Variants in FBXO24 observed in about 807,000 individuals in gnomAD.
The protein encoded by FBXO24 is F-box protein 24, also known as F-box only protein 24.
A neutral mutation model predicts 63.5 loss-of-function variants in FBXO24; 30 were observed. The observed-to-expected ratio is 0.47, with a 90% confidence interval of 0.35 to 0.64. FBXO24 has a LOEUF of 0.64. FBXO24 is among the 30% of genes least tolerant of loss of function. FBXO24 has a pLI of 0.00. For missense variants in FBXO24, 624 were observed against 763.4 expected (o/e 0.82, Z 2.15); for synonymous variants, 300 against 305.0 (o/e 0.98, Z 0.17).
chr7:100,599,977 G>GC (rs1041358701), intron 8 of FBXO24, 54 bp from the exon 9 acceptor site: 265 of 784,208 alleles, frequency 3.4e-4, no homozygotes, highest in African/African-American at 1.8e-3. Flanking sequence ...TCCCACCCCA[G>GC]CCCCCCCGTC....
intron 8 of FBXO24, 55 bp from the exon 9 acceptor site, chr7:100,599,976 A>G: frequency 2.7e-6 from 2 of 744,312 alleles, no homozygotes; most frequent in African/African-American, 1.8e-5. Flanking sequence ...TTCCCACCCC[A>G]GCCCCCCCGT....
chr7:100,593,830 C>T (rs990742764), intron 5 of FBXO24, among the ~76,000 whole-genome samples: 2 of 151,788 alleles, frequency 1.3e-5, no homozygotes, highest in African/African-American at 2.4e-5. Context: ...ATCAGATGTC[C>T]CCAGCTTCCA....
intron 8 of FBXO24, 55 bp from the exon 9 acceptor site, chr7:100,599,967 TCCCACCCCA>T: frequency 1.3e-6 from 2 of 1,496,764 alleles, no homozygotes; most frequent in Non-Finnish European, 1.8e-6. Context: ...GTCAACCTTT[TCCCACCCCA>T]GCCCCCCCGT....
chr7:100,595,658 C>T lies in FBXO24; in HGVS notation c.1158C>T (p.Tyr386=), dbSNP rs199506981. The change falls in exon 8 of 10, where the codon TAC becomes TAT. Residue 386 remains tyrosine (Y), a synonymous_variant. Transcript: ENST00000241071. The stretch of plus-strand genomic sequence containing the variant: ...TCTTCATGCAAGGAAATAACAGATA[C>T]GGGCAGCTAGGAACAGGGGACAAAA... ...GRIFMQGNNR[Y]GQLGTGDKMD... The T allele has an allele frequency of 1.9e-5, 30 of 1,612,988 alleles. No individual in the cohort carries two copies. The highest frequency in any genetic ancestry group is 1.7e-4 in the Middle Eastern group (1 of 6,050).
Position 100,600,298 on chromosome 7 carries a change from G to A in FBXO24, c.1377+97G>A. The A allele has an allele frequency of 7.2e-7, 1 of 1,398,026 alleles. No homozygotes were observed. The highest frequency in any genetic ancestry group is 9.5e-7 in the Non-Finnish European group (1 of 1,051,346). 86.6% of individuals were successfully genotyped at this position (1,398,026 alleles called of 1,614,324 possible). The stretch of plus-strand genomic sequence containing the variant: ...AGCTGGGGCTCCTGCAGGGACCCAG[G>A]GGGTCCCATTTCCCTAGCACCACCC... On this transcript the variant is annotated intron_variant, in intron 9 of 9. Coordinates refer to ENST00000241071, the MANE Select transcript of FBXO24 (RefSeq NM_033506.3). This position sits in a 1 kb window ranked among gnomAD's most constrained non-coding sequence, Gnocchi z 6.3.
intron 1 of FBXO24, among the ~76,000 whole-genome samples, chr7:100,588,965 G>A (rs1456622597): frequency 1.3e-5 from 2 of 152,016 alleles, no homozygotes. Context: ...TGGGACTACA[G>A]GGGTGCATCA....
chr7:100,590,395 T>C (rs1182113285), intron 3 of FBXO24, 38 bp downstream of exon 3: 2 of 1,572,766 alleles, frequency 1.3e-6, no homozygotes, highest in Admixed American at 1.7e-5. Flanking sequence ...TCCTTGCCTC[T>C]GTCCCGCCTT....
chr7:100,591,314 T>C (rs1267562124), intron 3 of FBXO24, among the ~76,000 whole-genome samples: 1 of 151,982 alleles, frequency 6.6e-6, no homozygotes, highest in African/African-American at 2.4e-5. Flanking sequence ...CACTGAGCTG[T>C]GAGGATGGGA....
rs1801963437 is a variant in FBXO24 at position 100,590,485 on chromosome 7, C to T, written c.322+128C>T. Reference sequence around the variant, plus strand: ...CCAGGGCCCCTTTCTCCGGAAGAAACGGGTCCAGTTCAAACATTCTCCCTT... The same window carrying T: ...CCAGGGCCCCTTTCTCCGGAAGAAATGGGTCCAGTTCAAACATTCTCCCTT... On this transcript the variant is annotated intron_variant, in intron 3 of 9. Transcript: ENST00000241071. 1.2e-5 allele frequency: 11 copies of T among 954,576 alleles called. No homozygotes were observed. The South Asian group carries it at 1.6e-4, about 14-fold the overall frequency. 59.1% of individuals were successfully genotyped at this position (954,576 alleles called of 1,614,324 possible). A position where few individuals can be genotyped will look rare whatever the true frequency, so the allele number is the denominator to read the frequency against.
chr7:100,598,148 G>A (rs1377194674), intron 8 of FBXO24, among the ~76,000 whole-genome samples: 1 of 152,056 alleles, frequency 6.6e-6, no homozygotes, highest in Non-Finnish European at 1.5e-5. Context: ...AGGCTGCAGT[G>A]AGCTGTGATC....
At chr7:100,595,374 C>A (rs1002934016) in intron 7 of FBXO24, 151 bp downstream of exon 7, 2 of 1,434,506 alleles carry the variant, frequency 1.4e-6, no homozygotes, top group Admixed American at 4.4e-5. Context: ...GGGCTCGGTG[C>A]GGAGGGAGGC....
At chr7:100,593,284 C>G (rs1802120514) in intron 5 of FBXO24, among the ~76,000 whole-genome samples, 1 of 152,032 alleles carries the variant, frequency 6.6e-6, no homozygotes, top group Non-Finnish European at 1.5e-5. Context: ...CACCTGAGAT[C>G]TGGAGTTTGA....
In FBXO24 at chr7:100,594,270, G is replaced by A; in HGVS notation, c.794-113G>A. 3 of 1,194,724 alleles carry A rather than the reference G, an allele frequency of 2.5e-6. No individual in the cohort carries two copies. Among genetic ancestry groups the A allele is most frequent in the Admixed American group, 5.2e-5 (2 of 38,652 alleles). 74.0% of individuals were successfully genotyped at this position (1,194,724 alleles called of 1,614,324 possible). On this transcript the variant is annotated intron_variant, in intron 5 of 9. Transcript: ENST00000241071. The surrounding 1 kb of genome is among the most constrained non-coding windows in gnomAD (Gnocchi z 4.2). ...TCACTCTTCCCTTATTTCTTTCTCAGCCCCACTCTAGGGCAGTAAATGTGT... is the reference window on the plus strand; with the variant it reads ...TCACTCTTCCCTTATTTCTTTCTCAACCCCACTCTAGGGCAGTAAATGTGT...
In FBXO24 at chr7:100,600,294, C is replaced by T; in HGVS notation, c.1377+93C>T. ...CTGTAGCTGGGGCTCCTGCAGGGAC[C>T]CAGGGGGTCCCATTTCCCTAGCACC... On this transcript the variant is annotated intron_variant, in intron 9 of 9. Coordinates refer to ENST00000241071, the MANE Select transcript of FBXO24 (RefSeq NM_033506.3). This position sits in a 1 kb window ranked among gnomAD's most constrained non-coding sequence, Gnocchi z 6.3. The T allele has an allele frequency of 7.0e-7, 1 of 1,420,940 alleles. No individual in the cohort carries two copies. Among genetic ancestry groups the T allele is most frequent in the South Asian group, 1.5e-5 (1 of 66,750 alleles). The allele number at this position is 1,420,940 out of a possible 1,614,324, so 88.0% of individuals were successfully genotyped here. A position where few individuals can be genotyped will look rare whatever the true frequency, so the allele number is the denominator to read the frequency against.
intron 3 of FBXO24, among the ~76,000 whole-genome samples, chr7:100,590,704 G>C (rs753518387): frequency 2.0e-5 from 3 of 152,166 alleles, no homozygotes; most frequent in Non-Finnish European, 4.4e-5. Context: ...ATAATTCCTT[G>C]ATGTGGGGAG....
intron 5 of FBXO24, among the ~76,000 whole-genome samples, chr7:100,593,797 CAAAAAAAA>C (rs900435798): frequency 1.8e-5 from 1 of 56,598 alleles, no homozygotes; most frequent in Non-Finnish European, 3.7e-5. Flanking sequence ...ACTCCATCTC[CAAAAAAAA>C]AAAAAAAAAA....
intron 7 of FBXO24, 128 bp from the exon 8 acceptor site, chr7:100,595,447 C>A: frequency 7.7e-7 from 1 of 1,290,374 alleles, no homozygotes. Flanking sequence ...TAGTGAGATC[C>A]CATCTCTAAA....
Position 100,600,096 on chromosome 7 carries a change from G to C in FBXO24, c.1272G>C (p.Gln424His). Residue 424 changes from glutamine to histidine, a missense_variant, in exon 9 of 10, where the codon CAG (glutamine) becomes CAC (histidine). Transcript: ENST00000241071. This position sits in a 1 kb window ranked among gnomAD's most constrained non-coding sequence, Gnocchi z 6.3. ...CGLNHSLVLS[Q>H]SSEFSKELLG... ...TCAACCACTCCCTGGTGCTGAGCCAGAGCTCAGAGTTCAGCAAGGAGCTGC... is the reference window on the plus strand; with the variant it reads ...TCAACCACTCCCTGGTGCTGAGCCACAGCTCAGAGTTCAGCAAGGAGCTGC... The C allele has an allele frequency of 6.2e-7, 1 of 1,610,166 alleles. No individual in the cohort carries two copies. Among genetic ancestry groups the C allele is most frequent in the Non-Finnish European group, 8.5e-7 (1 of 1,179,000 alleles).
Position 100,600,894 on chromosome 7 carries a change from A to AGT in FBXO24, c.1738_1739insGT (p.Thr580SerfsTer43). On this transcript the variant is annotated frameshift_variant, in exon 10 of 10. Transcript: ENST00000241071. LOFTEE classifies it high-confidence loss of function. The surrounding 1 kb of genome is among the most constrained non-coding windows in gnomAD (Gnocchi z 6.3). The stretch of plus-strand genomic sequence containing the variant: ...TGGTGTAGGGCCCCCAGCCCCTGAG[A>AGT]CCTAATCCCCCTCATGCTAGCCTAG... 1.2e-6 allele frequency: 2 copies of AGT among 1,612,038 alleles called. No homozygotes were observed. The highest frequency in any genetic ancestry group is 2.7e-5 in the African/African-American group (2 of 74,946).
Sources: gnomAD v4.1 joint callset for allele counts (sites outside exome capture counted in the v4.1 genomes callset) on GRCh38, gnomAD v4.1.1 for gene constraint, Gnocchi (gnomAD v3.1) non-coding constraint, MANE v1.5 for transcripts, NCBI Gene and HGNC (gene_info 2026-07-23, HGNC 2026-07-21) for gene names.